CERS6: variants seen among roughly 807,000 people sequenced by gnomAD.
CERS6 encodes the protein LAG1 homolog, ceramide synthase 6.
In CERS6, 26 loss-of-function variants were observed where a neutral mutation model predicts 56.8. That is an observed-to-expected ratio of 0.46 (90% CI 0.34 to 0.63). The LOEUF (loss-of-function observed/expected upper bound fraction) is 0.63, where lower values mean the gene tolerates loss of function less well. Among genes scored for constraint, CERS6 ranks in the 30% least tolerant of loss-of-function variants. The pLI is 0.01. For missense variants in CERS6, 415 were observed against 467.5 expected, an observed-to-expected ratio of 0.89 and a Z score of 1.04; for synonymous variants, 164 against 173.3, an observed-to-expected ratio of 0.95 and a Z score of 0.42.
At chr2:168,524,111 C>T (rs763630584) in intron 1 of CERS6, among the ~76,000 whole-genome samples, 6 of 152,086 alleles carry the variant, frequency 3.9e-5, no homozygotes, top group African/African-American at 9.7e-5. Flanking sequence ...ATGTTGAGTT[C>T]GTGTGTGTGT....
intron 4 of CERS6, among the ~76,000 whole-genome samples, chr2:168,657,438 G>A (rs905039093): frequency 1.3e-5 from 2 of 152,248 alleles, no homozygotes; most frequent in African/African-American, 2.4e-5. Flanking sequence ...CCATGCGCTC[G>A]CATTCCTCAG....
intron 3 of CERS6, among the ~76,000 whole-genome samples, chr2:168,594,851 G>T (rs536661994): frequency 2.0e-5 from 3 of 152,234 alleles, no homozygotes; most frequent in Admixed American, 6.5e-5. Context: ...TTCTCTACTT[G>T]TTTCATGTAT....
chr2:168,676,746 C>T (rs1440058575), intron 4 of CERS6, among the ~76,000 whole-genome samples: 3 of 152,332 alleles, frequency 2.0e-5, no homozygotes, highest in Admixed American at 6.5e-5. Flanking sequence ...AGTTTCTTCC[C>T]GCCTTTTTGC....
At chr2:168,568,590 A>T (rs1010852899) in intron 3 of CERS6, among the ~76,000 whole-genome samples, 14 of 152,176 alleles carry the variant, frequency 9.2e-5, no homozygotes, top group Non-Finnish European at 2.1e-4. Context: ...TATTTTATAC[A>T]GGTGCCCACA....
chr2:168,760,368 C>A (rs1684538751), intron 8 of CERS6, among the ~76,000 whole-genome samples: 1 of 152,128 alleles, frequency 6.6e-6, no homozygotes. Flanking sequence ...TCGCGTTTCC[C>A]ATGTTTCTGC....
rs137961900 is a variant in CERS6, at chr2:168,579,471, A to T, written c.407+18149A>T. ...CAGAGTCACCAATACTTCTTTTCCAATTCCTTCCTTGCGTGCCATGCTCTA... is the reference window on the plus strand; with the variant it reads ...CAGAGTCACCAATACTTCTTTTCCATTTCCTTCCTTGCGTGCCATGCTCTA... On this transcript the variant is annotated intron_variant, in intron 3 of 9. Transcript: ENST00000305747. Among the ~76,000 whole-genome samples, 472 of 152,134 alleles carry T rather than the reference A, an allele frequency of 3.1e-3. 5 individuals are homozygous for T. Among genetic ancestry groups the T allele is most frequent in the African/African-American group, 0.01 (433 of 41,482 alleles).
chr2:168,557,542 T>G (rs1027953720), intron 2 of CERS6, among the ~76,000 whole-genome samples: 2 of 152,188 alleles, frequency 1.3e-5, no homozygotes, highest in African/African-American at 4.8e-5. Context: ...AAGATTTGGA[T>G]TTTTGATGGA....
intron 1 of CERS6, among the ~76,000 whole-genome samples, chr2:168,489,376 G>C (rs749275753): frequency 6.6e-6 from 1 of 151,524 alleles, no homozygotes; most frequent in Non-Finnish European, 1.5e-5. Flanking sequence ...AGCTTATTCT[G>C]TTTGGGGTTT....
At chr2:168,609,885 T>C (rs1056406487) in intron 3 of CERS6, among the ~76,000 whole-genome samples, 9 of 151,776 alleles carry the variant, frequency 5.9e-5, no homozygotes, top group East Asian at 1.9e-4. Flanking sequence ...GGCTTTTTTT[T>C]CCCAGTGACA....
intron 2 of CERS6, among the ~76,000 whole-genome samples, chr2:168,555,340 TA>T (rs894343579): frequency 1.3e-5 from 2 of 152,016 alleles, no homozygotes; most frequent in Admixed American, 1.3e-4. Flanking sequence ...ATGAAAGTAC[TA>T]CCTTTATGTG....
At chr2:168,669,539 C>G (rs1685854609) in intron 4 of CERS6, among the ~76,000 whole-genome samples, 2 of 152,286 alleles carry the variant, frequency 1.3e-5, no homozygotes, top group South Asian at 4.1e-4. Context: ...GGAGGACAAG[C>G]AGCTCTGCTC....
chr2:168,461,256 CTTG>C (rs1363604211), intron 1 of CERS6, among the ~76,000 whole-genome samples: 2 of 152,074 alleles, frequency 1.3e-5, no homozygotes, highest in African/African-American at 2.4e-5. Flanking sequence ...CCTTATTTAG[CTTG>C]TTAAGTTATA....
chr2:168,614,616 C>T (rs1452089670), intron 3 of CERS6, among the ~76,000 whole-genome samples: 2 of 152,136 alleles, frequency 1.3e-5, no homozygotes, highest in African/African-American at 4.8e-5. Flanking sequence ...ACTTCCCTGA[C>T]CAACCTGCAT....
chr2:168,657,729 C>T (rs1214274288), intron 4 of CERS6, among the ~76,000 whole-genome samples: 1 of 152,236 alleles, frequency 6.6e-6, no homozygotes, highest in Non-Finnish European at 1.5e-5. Context: ...GCTGGCTGCT[C>T]CGAGTGCGGG....
intron 1 of CERS6, among the ~76,000 whole-genome samples, chr2:168,487,029 G>A (rs1360097832): frequency 1.3e-5 from 2 of 151,970 alleles, no homozygotes; most frequent in African/African-American, 4.8e-5. Flanking sequence ...TATTGATAAA[G>A]CACTTTTTGT....
intron 8 of CERS6, among the ~76,000 whole-genome samples, chr2:168,727,668 CAA>C (rs1422435743): frequency 1.3e-5 from 2 of 151,844 alleles, no homozygotes; most frequent in African/African-American, 4.8e-5. Flanking sequence ...ATTTATTTTT[CAA>C]AATGTATTTT....
chr2:168,542,688 C>CT (rs763118323), intron 1 of CERS6, among the ~76,000 whole-genome samples: 1 of 151,762 alleles, frequency 6.6e-6, no homozygotes, highest in African/African-American at 2.4e-5. Flanking sequence ...TCATGGTTTT[C>CT]TTTTTTTTGG....
At chr2:168,542,442 A>G (rs1695389491) in intron 1 of CERS6, among the ~76,000 whole-genome samples, 1 of 152,192 alleles carries the variant, frequency 6.6e-6, no homozygotes, top group Non-Finnish European at 1.5e-5. Context: ...TATGTGTGAG[A>G]TTTAATTCTA....
At chr2:168,697,052 A>G (rs2105368056) in intron 6 of CERS6, among the ~76,000 whole-genome samples, 1 of 152,312 alleles carries the variant, frequency 6.6e-6, no homozygotes, top group East Asian at 1.9e-4. Context: ...GTGGCAGCTG[A>G]AAAGCGTTTA....
Sources: allele counts gnomAD v4.1 joint callset (sites outside exome capture counted in the v4.1 genomes callset), GRCh38; gene constraint gnomAD v4.1.1; transcripts MANE v1.5; gene names NCBI Gene and HGNC (gene_info 2026-07-23, HGNC 2026-07-21).